The following TFAP2A variants were observed in gnomAD, a reference collection of about 807,000 sequenced individuals.
The protein encoded by TFAP2A is transcription factor AP-2-alpha.
In TFAP2A, 7 loss-of-function variants were observed where a neutral mutation model predicts 41.5. The ratio of observed to expected loss-of-function variants is 0.17; its 90% CI spans 0.10 to 0.32. The LOEUF (loss-of-function observed/expected upper bound fraction) is 0.32. TFAP2A is among the 10% of genes least tolerant of loss of function. The pLI, the probability that TFAP2A is intolerant of heterozygous loss-of-function variation, is 1.00. For synonymous variants in TFAP2A, 247 were observed against 242.8 expected (o/e 1.02, Z -0.16); for missense variants, 416 against 563.3 (o/e 0.74, Z 2.65).
At chr6:10,415,136 A>C (rs1202780101), upstream of TFAP2A, 1 of 1,550,020 alleles carries the variant, frequency 6.5e-7, no homozygotes, top group Non-Finnish European at 8.7e-7. Context: ...AGGAGGAGGG[A>C]GAGGAGGAGG....
chr6:10,408,713 T>C (rs1440517302), intron 2 of TFAP2A, among the ~76,000 whole-genome samples: 1 of 152,212 alleles, frequency 6.6e-6, no homozygotes, highest in African/African-American at 2.4e-5. Flanking sequence ...CTGCTAAACA[T>C]AACCAACAAA....
intron 2 of TFAP2A, chr6:10,407,310 G>A (rs557456882): frequency 5.1e-6 from 1 of 194,350 alleles, no homozygotes; most frequent in South Asian, 9.9e-5. Context: ...AAAAGGTTTA[G>A]GTAGTATAAT....
chr6:10,406,737 T>A, intron 3 of TFAP2A, 56 bp downstream of exon 3: 1 of 1,469,590 alleles, frequency 6.8e-7, no homozygotes, highest in African/African-American at 1.4e-5. Context: ...GCAAGTTCTT[T>A]TAAATAGCAC....
chr6:10,409,869 T>G (rs1183456407), intron 2 of TFAP2A, 32 bp downstream of exon 2: 2 of 1,547,078 alleles, frequency 1.3e-6, no homozygotes, highest in African/African-American at 2.7e-5. Flanking sequence ...GGGGGCTGTG[T>G]TCCCTCCCGC....
At chr6:10,415,298 C>T (rs747018969), upstream of TFAP2A, 6 of 1,378,636 alleles carry the variant, frequency 4.4e-6, no homozygotes, top group Non-Finnish European at 5.7e-6. Flanking sequence ...TCTTTACCAA[C>T]AGCCTAATCG....
At chr6:10,415,501 A>G (rs961963826), upstream of TFAP2A, 3 of 225,070 alleles carry the variant, frequency 1.3e-5, no homozygotes, top group South Asian at 6.7e-5. Flanking sequence ...TCTTACCCCA[A>G]TTCCGCCACA....
In TFAP2A at chr6:10,397,340, T is replaced by TC. The variant is rs2113993471; in HGVS notation, c.*1076dup. The TC allele has an allele frequency of 6.6e-6, 1 of 152,286 alleles. No individual in the cohort carries two copies. Among genetic ancestry groups the TC allele is most frequent in the East Asian group, 1.9e-4 (1 of 5,194 alleles). 9.4% of individuals were successfully genotyped at this position (152,286 alleles called of 1,614,324 possible). A position where few individuals can be genotyped will look rare whatever the true frequency, so the allele number is the denominator to read the frequency against. The stretch of plus-strand genomic sequence containing the variant: ...GTGGAATAAAATAAACTTTTTTTTT[T>TC]CTCCCTACAATACATAGAAGGGTTA... On this transcript the variant is annotated 3_prime_UTR_variant, in exon 7 of 7. Coordinates refer to ENST00000379613, the MANE Select transcript of TFAP2A (RefSeq NM_001372066.1).
Position 10,412,337 on chromosome 6 carries a change from G to A in TFAP2A, c.52-2002C>T, listed in dbSNP as rs2113215394. ...AAAGAGGCAGAGAGGGAGACCGAAG[G>A]AGAGAGCGCAGAGAGGGAGAATGTG... is the stretch of plus-strand genomic sequence containing the variant. On this transcript the variant is annotated intron_variant, in intron 1 of 6. Transcript: ENST00000379613. 8 of 972,234 alleles carry A rather than the reference G, an allele frequency of 8.2e-6. No individual in the cohort carries two copies. In the South Asian group the frequency reaches 3.3e-4, roughly 40 times the overall value. 60.2% of individuals were successfully genotyped at this position (972,234 alleles called of 1,614,324 possible).
chr6:10,419,380 T>C (rs778985861), upstream of TFAP2A: 20 of 987,616 alleles, frequency 2.0e-5, 2 homozygotes, highest in South Asian at 2.4e-4. Flanking sequence ...ACTCCACCCC[T>C]GCCCACCTCA....
upstream of TFAP2A, chr6:10,418,507 G>C (rs1019051634): frequency 3.9e-5 from 6 of 152,364 alleles, no homozygotes; most frequent in Non-Finnish European, 7.3e-5. Flanking sequence ...TGATGAAATC[G>C]GCGACAGGCA....
Position 10,400,609 on chromosome 6 carries a change from G to A in TFAP2A, c.890-20C>T, listed in dbSNP as rs1233657384. ...CTTCTCCTGGCAAGAGGGGAGAGGA[G>A]GGAGCCAGTGCGAGAGAATGAAGAG... On this transcript the variant is annotated intron_variant, in intron 5 of 6. Coordinates refer to ENST00000379613, the MANE Select transcript of TFAP2A (RefSeq NM_001372066.1). The A allele has an allele frequency of 6.2e-6, 10 of 1,613,842 alleles. No homozygotes were observed. Among genetic ancestry groups the A allele is most frequent in the South Asian group, 2.2e-5 (2 of 91,088 alleles).
chr6:10,408,424 A>C (rs1757811111), intron 2 of TFAP2A, among the ~76,000 whole-genome samples: 1 of 152,256 alleles, frequency 6.6e-6, no homozygotes, highest in African/African-American at 2.4e-5. Flanking sequence ...CAGTAGTTCC[A>C]AAAGCTTGCA....
At chr6:10,419,481 C>T (rs201195699), upstream of TFAP2A, 634 of 1,614,154 alleles carry the variant, frequency 3.9e-4, 3 homozygotes, top group African/African-American at 5.9e-3. Context: ...GACTGGTCCC[C>T]GCCGGGCATG....
At position 10,403,736 on chromosome 6, in the gene TFAP2A, C is replaced by A. The variant is rs1465454596; in HGVS notation, c.770+772G>T. Among the ~76,000 whole-genome samples the A allele has an allele frequency of 2.0e-5, 3 of 152,138 alleles. No individual in the cohort carries two copies. In the East Asian group the frequency reaches 5.8e-4, roughly 29 times the overall value. Reference sequence around the variant, plus strand: ...AAGGGAAGGTGCTTTACCTTGCTGACCCTTATAAAATCTTATCTACTAAAT... The same window carrying A: ...AAGGGAAGGTGCTTTACCTTGCTGAACCTTATAAAATCTTATCTACTAAAT... On this transcript the variant is annotated intron_variant, in intron 4 of 6. Coordinates refer to ENST00000379613, the MANE Select transcript of TFAP2A (RefSeq NM_001372066.1).
At chr6:10,418,565 A>C (rs1427657670), upstream of TFAP2A, 1 of 152,260 alleles carries the variant, frequency 6.6e-6, no homozygotes, top group African/African-American at 2.4e-5. Flanking sequence ...TGTTTCCCGA[A>C]GGGAAAGTGT....
intron 4 of TFAP2A, among the ~76,000 whole-genome samples, 164 bp downstream of exon 4, chr6:10,404,344 A>G (rs1027876298): frequency 6.6e-6 from 1 of 151,598 alleles, no homozygotes; most frequent in Non-Finnish European, 1.5e-5. Context: ...CCGCCCCCAG[A>G]TCCCGCCCAC....
chr6:10,412,918 G>T (rs1272267114), intron 1 of TFAP2A: 1 of 152,834 alleles, frequency 6.5e-6, no homozygotes, highest in Non-Finnish European at 1.5e-5. Context: ...TGGGGCCGGG[G>T]ATTCCGGATC....
At chr6:10,402,247 A>G in intron 5 of TFAP2A, 1 of 589,394 alleles carries the variant, frequency 1.7e-6, no homozygotes, top group Non-Finnish European at 3.3e-6. Flanking sequence ...TGCGTTGTTT[A>G]GCTCAGAATT....
rs371383192 is a variant in TFAP2A at position 10,398,754 on chromosome 6, C to T, written c.1032-49G>A. 5 of 1,593,780 alleles carry T rather than the reference C, an allele frequency of 3.1e-6. No homozygotes were observed. The African/African-American group carries it at 5.4e-5, about 17-fold the overall frequency. On this transcript the variant is annotated intron_variant, in intron 6 of 6. Transcript: ENST00000379613. This position sits in a 1 kb window ranked among gnomAD's most constrained non-coding sequence, Gnocchi z 5.3. The stretch of plus-strand genomic sequence containing the variant: ...GAGAGACATAAGGCTCCACTATGGG[C>T]AGCACTAGCAGCAAAGAGAAAACCT...
Sources: allele counts gnomAD v4.1 joint callset (sites outside exome capture counted in the v4.1 genomes callset), GRCh38; gene constraint gnomAD v4.1.1; non-coding constraint Gnocchi (gnomAD v3.1); transcripts MANE v1.5; gene names NCBI Gene and HGNC (gene_info 2026-07-23, HGNC 2026-07-21).